The following CYP3A43 variants were observed in gnomAD, a reference collection of about 807,000 sequenced individuals.
The protein encoded by CYP3A43 is cytochrome P450 3A43.
A neutral mutation model predicts 58.0 loss-of-function variants in CYP3A43; 45 were observed. The observed-to-expected ratio is 0.78, with a 90% confidence interval of 0.61 to 0.99. The LOEUF is 0.99. Among genes scored for constraint, CYP3A43 ranks in the 50% least tolerant of loss-of-function variants. The pLI is 0.00. For synonymous variants in CYP3A43, 191 were observed against 201.4 expected (o/e 0.95, Z 0.44); for missense variants, 593 against 591.9 (o/e 1.00, Z -0.02).
At chr7:99,853,482 C>G (rs929095737) in intron 7 of CYP3A43, among the ~76,000 whole-genome samples, 1 of 144,252 alleles carries the variant, frequency 6.9e-6, no homozygotes, top group African/African-American at 2.9e-5. Flanking sequence ...GACTAGTAAA[C>G]TGAGTCATCT....
chr7:99,841,914 C>T (rs1817348322), intron 3 of CYP3A43, among the ~76,000 whole-genome samples: 2 of 152,154 alleles, frequency 1.3e-5, no homozygotes, highest in African/African-American at 4.8e-5. Context: ...CTACTACCTA[C>T]GAGGTTTTCT....
intron 1 of CYP3A43, among the ~76,000 whole-genome samples, chr7:99,835,795 C>T (rs1302206993): frequency 6.7e-6 from 1 of 150,338 alleles, no homozygotes; most frequent in Admixed American, 6.6e-5. Flanking sequence ...GAAATGGTAA[C>T]AACATTAGCG....
chr7:99,839,007 G>A (rs899365971), intron 2 of CYP3A43, 113 bp from the exon 3 acceptor site: 28 of 1,226,366 alleles, frequency 2.3e-5, no homozygotes, highest in Admixed American at 4.1e-5. Context: ...GCCAGTAAAT[G>A]GTAGCAAGCC....
At chr7:99,835,956 C>T (rs1256467489) in intron 1 of CYP3A43, among the ~76,000 whole-genome samples, 1 of 152,178 alleles carries the variant, frequency 6.6e-6, no homozygotes, top group Non-Finnish European at 1.5e-5. Flanking sequence ...TCCACATTTA[C>T]TTATCCAGAG....
chr7:99,846,550 GC>G (rs1429253765), intron 4 of CYP3A43, among the ~76,000 whole-genome samples: 1 of 152,006 alleles, frequency 6.6e-6, no homozygotes, highest in Non-Finnish European at 1.5e-5. Flanking sequence ...TCTATTTCTT[GC>G]CGTCCAATCT....
intron 4 of CYP3A43, among the ~76,000 whole-genome samples, chr7:99,845,119 G>C (rs1817494981): frequency 6.6e-6 from 1 of 151,068 alleles, no homozygotes; most frequent in African/African-American, 2.4e-5. Flanking sequence ...TTAAGTTTAT[G>C]ATACATTTTG....
Position 99,849,617 on chromosome 7 carries a change from A to G in CYP3A43, c.593A>G (p.Asn198Ser), listed in dbSNP as rs747325993. 9.1e-5 allele frequency: 147 copies of G among 1,613,048 alleles called. No individual in the cohort carries two copies. Among genetic ancestry groups the G allele is most frequent in the Non-Finnish European group, 1.2e-4 (139 of 1,179,848 alleles). ...GGAGTGAACTTGGATTCTCTCAACA[A>G]TCCACAAGATCCCTTTCTGAAAAAT... ...LFGVNLDSLN[N>S]PQDPFLKNMK... The change falls in exon 7 of 13, where the codon AAT becomes AGT. Residue 198 changes from asparagine (N) to serine (S), a missense_variant. Physicochemically the swap from Asn to Ser is conservative, Grantham distance 46. Transcript: ENST00000354829.
In CYP3A43 at chr7:99,844,618, G is replaced by C. The variant is rs567483715; in HGVS notation, c.318+376G>C. ...TGGTATTCTGTTGTTACTATGTGTA[G>C]CTTGTCTTTTCCTCCTTGCAGGGTC... On this transcript the variant is annotated intron_variant, in intron 4 of 12. Coordinates refer to ENST00000354829, the MANE Select transcript of CYP3A43 (RefSeq NM_057095.3). 2.0e-5 allele frequency among the ~76,000 whole-genome samples: 3 copies of C among 152,174 alleles called. No homozygotes were observed. The East Asian group carries it at 5.8e-4, about 29-fold the overall frequency.
chr7:99,856,195 T>A (rs1282924413), intron 8 of CYP3A43, among the ~76,000 whole-genome samples: 2 of 152,150 alleles, frequency 1.3e-5, no homozygotes, highest in Admixed American at 1.3e-4. Flanking sequence ...TAAGTGTATG[T>A]TAAATTTCAG....
intron 9 of CYP3A43, among the ~76,000 whole-genome samples, chr7:99,859,290 C>A (rs889660753): frequency 6.6e-6 from 1 of 152,194 alleles, no homozygotes; most frequent in African/African-American, 2.4e-5. Flanking sequence ...CCATGGACCA[C>A]ATTTTGAGTG....
At chr7:99,851,889 ATG>A (rs1817776472) in intron 7 of CYP3A43, among the ~76,000 whole-genome samples, 1 of 152,194 alleles carries the variant, frequency 6.6e-6, no homozygotes, top group Non-Finnish European at 1.5e-5. Flanking sequence ...TTGTGAGCTC[ATG>A]AAGATTTGCC....
chr7:99,851,898 T>G (rs953522792), intron 7 of CYP3A43, among the ~76,000 whole-genome samples: 3 of 152,228 alleles, frequency 2.0e-5, no homozygotes, highest in Admixed American at 2.0e-4. Context: ...CATGAAGATT[T>G]GCCCTCTTGG....
At chr7:99,828,930 C>A (rs528197264) in intron 1 of CYP3A43, among the ~76,000 whole-genome samples, 42 of 152,306 alleles carry the variant, frequency 2.8e-4, no homozygotes, top group African/African-American at 1.0e-3. Context: ...AATACTTATT[C>A]TTTGGAGCAC....
chr7:99,865,927 C>T lies in CYP3A43; in HGVS notation c.1438C>T (p.Leu480=). The T allele has an allele frequency of 6.4e-7, 1 of 1,564,090 alleles. No homozygotes were observed. The highest frequency in any genetic ancestry group is 2.2e-5 in the East Asian group (1 of 44,676). ...ETQIPLKLDN[L]PILQPEKPIV... ...GCAGATCCCACTGAAATTAGACAATCTACCAATTCTTCAACCAGAAAAACC... is the reference window on the plus strand; with the variant it reads ...GCAGATCCCACTGAAATTAGACAATTTACCAATTCTTCAACCAGAAAAACC... Residue 480 remains leucine, a synonymous_variant, in exon 13 of 13, where the codon CTA becomes TTA. Coordinates refer to ENST00000354829, the MANE Select transcript of CYP3A43 (RefSeq NM_057095.3).
intron 12 of CYP3A43, among the ~76,000 whole-genome samples, chr7:99,864,925 CATTT>C (rs1818386842): frequency 6.7e-6 from 1 of 148,368 alleles, no homozygotes; most frequent in Admixed American, 6.6e-5. Context: ...GAACACTTGT[CATTT>C]ATTTATATCA....
intron 3 of CYP3A43, among the ~76,000 whole-genome samples, chr7:99,840,744 T>C (rs1817298258): frequency 6.6e-6 from 1 of 152,240 alleles, no homozygotes; most frequent in African/African-American, 2.4e-5. Context: ...TTTCCAGGTG[T>C]CCCCTCAAGC....
intron 1 of CYP3A43, among the ~76,000 whole-genome samples, chr7:99,835,221 C>A (rs1314311429): frequency 6.6e-6 from 1 of 152,150 alleles, no homozygotes; most frequent in Non-Finnish European, 1.5e-5. Context: ...GATTGCATGT[C>A]TTTGTCTTAC....
intron 7 of CYP3A43, 141 bp from the exon 8 acceptor site, chr7:99,855,449 AG>A (rs1376460667): frequency 9.1e-7 from 1 of 1,103,492 alleles, no homozygotes; most frequent in Non-Finnish European, 1.2e-6. Context: ...TCATACAGGA[AG>A]AGGGGCAAAG....
chr7:99,839,739 G>T (rs756207245), intron 3 of CYP3A43, among the ~76,000 whole-genome samples: 1 of 152,188 alleles, frequency 6.6e-6, no homozygotes, highest in Non-Finnish European at 1.5e-5. Context: ...CTGACCTGCG[G>T]TAAAGTGCAG....
Sources: gnomAD v4.1 joint callset for allele counts (sites outside exome capture counted in the v4.1 genomes callset) on GRCh38, gnomAD v4.1.1 for gene constraint, MANE v1.5 for transcripts, NCBI Gene and HGNC (gene_info 2026-07-23, HGNC 2026-07-21) for gene names.